Variants in GJA5 observed in about 807,000 individuals in gnomAD.
The protein encoded by GJA5 is gap junction protein alpha 5.
Under a neutral mutation model 7.9 loss-of-function variants are expected in GJA5, and 3 were observed. That is an observed-to-expected ratio of 0.38 (90% CI 0.17 to 0.99). The LOEUF (loss-of-function observed/expected upper bound fraction) is 0.99. Among genes scored for constraint, GJA5 ranks in the 50% least tolerant of loss-of-function variants. The probability of loss-of-function intolerance (pLI) is 0.38; values close to 1 mark genes in which losing one functional copy is unlikely to be tolerated. For missense variants in GJA5, 390 were observed against 457.9 expected (o/e 0.85, Z 1.35); for synonymous variants, 193 against 181.0 (o/e 1.07, Z -0.53).
upstream of GJA5, among the ~76,000 whole-genome samples, chr1:147,762,921 C>T (rs587669977): frequency 2.0e-5 from 3 of 152,336 alleles, no homozygotes; most frequent in East Asian, 5.8e-4. Flanking sequence ...AAGGAAGCTG[C>T]CCATGCCATG....
chr1:147,772,638 T>C (rs1350718581), intron 1 of GJA5, among the ~76,000 whole-genome samples: 5 of 152,192 alleles, frequency 3.3e-5, no homozygotes, highest in African/African-American at 9.6e-5. Context: ...GGTGCTTTCC[T>C]GGCCTTCCTC....
chr1:147,762,285 A>G (rs587687683), upstream of GJA5, among the ~76,000 whole-genome samples: 61 of 152,224 alleles, frequency 4.0e-4, 1 homozygote, highest in South Asian at 0.011. Context: ...AACAAATGTC[A>G]TATTCTTCCA....
rs1663780793 is a variant in GJA5, at chr1:147,757,408, G to A, written c.*754C>T. Reference sequence around the variant, plus strand: ...TGGCAGGAATTCCAGTAGAGTTTGTGTGTACAGTGACTCCCTAGCAGGGCT... The same window carrying A: ...TGGCAGGAATTCCAGTAGAGTTTGTATGTACAGTGACTCCCTAGCAGGGCT... On this transcript the variant is annotated 3_prime_UTR_variant, in exon 2 of 2. Transcript: ENST00000579774. The A allele has an allele frequency of 6.5e-6, 1 of 152,716 alleles. No individual in the cohort carries two copies. Among genetic ancestry groups the A allele is most frequent in the Non-Finnish European group, 1.5e-5 (1 of 68,466 alleles). 9.5% of individuals were successfully genotyped at this position (152,716 alleles called of 1,614,324 possible).
rs1454423411 is a variant in GJA5 at position 147,757,723 on chromosome 1, T to C, written c.*439A>G. ...TGCAAGTTCCTTGATTCATGCTGTC[T>C]ATTGGCTGGGAACTTTGAGCTCTTC... is the stretch of plus-strand genomic sequence containing the variant. On this transcript the variant is annotated 3_prime_UTR_variant, in exon 2 of 2. Transcript: ENST00000579774. 2.3e-5 allele frequency: 5 copies of C among 216,402 alleles called. No individual in the cohort carries two copies. The highest frequency in any genetic ancestry group is 1.1e-4 in the African/African-American group (5 of 43,746). 13.4% of individuals were successfully genotyped at this position (216,402 alleles called of 1,614,324 possible). A position where few individuals can be genotyped will look rare whatever the true frequency, so the allele number is the denominator to read the frequency against.
chr1:147,763,441 G>C (rs1344370006), upstream of GJA5, among the ~76,000 whole-genome samples: 2 of 152,186 alleles, frequency 1.3e-5, no homozygotes, highest in Non-Finnish European at 2.9e-5. Context: ...TCTGGTTTTT[G>C]GGTTTTGGGG....
Position 147,757,756 on chromosome 1 carries a change from G to C in GJA5, c.*406C>G, listed in dbSNP as rs949252791. Reference sequence around the variant, plus strand: ...GGGAACTTTGAGCTCTTCCTTGGAGGAGGGAGGGTGATCAGGTCAAGGAGG... The same window carrying C: ...GGGAACTTTGAGCTCTTCCTTGGAGCAGGGAGGGTGATCAGGTCAAGGAGG... On this transcript the variant is annotated 3_prime_UTR_variant, in exon 2 of 2. Transcript: ENST00000579774. 1 of 228,872 alleles carries C rather than the reference G, an allele frequency of 4.4e-6. No homozygotes were observed. Among genetic ancestry groups the C allele is most frequent in the Non-Finnish European group, 8.6e-6 (1 of 115,656 alleles). 14.2% of individuals were successfully genotyped at this position (228,872 alleles called of 1,614,324 possible). A position where few individuals can be genotyped will look rare whatever the true frequency, so the allele number is the denominator to read the frequency against.
intron 1 of GJA5, among the ~76,000 whole-genome samples, chr1:147,770,595 G>T (rs1461717982): frequency 6.6e-6 from 1 of 152,114 alleles, no homozygotes; most frequent in Non-Finnish European, 1.5e-5. Context: ...GAAACTGAGT[G>T]TAAGAGACAT....
intron 1 of GJA5, among the ~76,000 whole-genome samples, chr1:147,771,701 A>T (rs1299044027): frequency 1.3e-5 from 2 of 152,162 alleles, no homozygotes; most frequent in Admixed American, 6.5e-5. Context: ...TGGGTGAAGG[A>T]TGCTCAGAGA....
rs1027155768 is a variant in GJA5 at position 147,757,891 on chromosome 1, C to T, written c.*271G>A. The T allele has an allele frequency of 1.8e-5, 9 of 496,560 alleles. No individual in the cohort carries two copies. The highest frequency in any genetic ancestry group is 3.9e-5 in the African/African-American group (2 of 51,696). The allele number at this position is 496,560 out of a possible 1,614,324, so 30.8% of individuals were successfully genotyped here. On this transcript the variant is annotated 3_prime_UTR_variant, in exon 2 of 2. Transcript: ENST00000579774. ...GCTTTTGCCATGCTTCCCTTCTTTC[C>T]CTCTACCCTGTTTCATGAGTAATCT...
chr1:147,767,402 T>C (rs76136573), intron 1 of GJA5, among the ~76,000 whole-genome samples: 2 of 151,620 alleles, frequency 1.3e-5, no homozygotes, highest in East Asian at 3.9e-4. Flanking sequence ...TTTTTTTTTT[T>C]CTTGAGACAG....
intron 1 of GJA5, among the ~76,000 whole-genome samples, chr1:147,759,794 A>C (rs1356296331): frequency 3.3e-5 from 5 of 152,260 alleles, no homozygotes; most frequent in African/African-American, 1.2e-4. Context: ...AATTCTGAGG[A>C]TTAAATGATA....
At position 147,758,642 on chromosome 1, in the gene GJA5, G is replaced by A. The variant is rs1663844870; in HGVS notation, c.597C>T (p.Ser199=). 1.2e-6 allele frequency: 2 copies of A among 1,614,030 alleles called. No individual in the cohort carries two copies. Among genetic ancestry groups the A allele is most frequent in the Non-Finnish European group, 1.7e-6 (2 of 1,180,006 alleles). ...PCPHPVNCYV[S]RPTEKNVFIV... is the part of the protein sequence containing the mutation. Reference sequence around the variant, plus strand: ...TGAAGACATTCTTCTCTGTGGGCCGGGATACGTAACAGTTGACCGGGTGGG... The same window carrying A: ...TGAAGACATTCTTCTCTGTGGGCCGAGATACGTAACAGTTGACCGGGTGGG... The change falls in exon 2 of 2, where the codon TCC becomes TCT. Residue 199 remains serine, a synonymous_variant. Transcript: ENST00000579774.
rs1283605572 is a variant in GJA5, at chr1:147,758,663, G to A, written c.576C>T (p.His192=). ...LHVCRRSPCP[H]PVNCYVSRPT... is the part of the protein sequence containing the mutation. ...GCCGGGATACGTAACAGTTGACCGG[G>A]TGGGGACAGGGACTCCTGCGGCAGA... The change falls in exon 2 of 2, where the codon CAC becomes CAT. Residue 192 remains histidine (H), a synonymous_variant. Coordinates refer to ENST00000579774, the MANE Select transcript of GJA5 (RefSeq NM_181703.4). 1.9e-6 allele frequency: 3 copies of A among 1,614,080 alleles called. No homozygotes were observed. The African/African-American group carries it at 4.0e-5, about 22-fold the overall frequency.
intron 1 of GJA5, among the ~76,000 whole-genome samples, chr1:147,769,849 G>A (rs1386204561): frequency 6.6e-6 from 1 of 152,008 alleles, no homozygotes; most frequent in African/African-American, 2.4e-5. Flanking sequence ...AGTCCAGCAT[G>A]CCTCCTAATG....
At chr1:147,763,275 G>C (rs1553227646), upstream of GJA5, among the ~76,000 whole-genome samples, 1 of 152,210 alleles carries the variant, frequency 6.6e-6, no homozygotes, top group African/African-American at 2.4e-5. Context: ...GGAAGGAGGG[G>C]AAACAAACAA....
At chr1:147,765,607 C>T (rs1230618200) in intron 1 of GJA5, among the ~76,000 whole-genome samples, 2 of 152,128 alleles carry the variant, frequency 1.3e-5, no homozygotes, top group African/African-American at 4.8e-5. Context: ...AAATGAAAAC[C>T]AGCATGGTTT....
rs1553226505 is a variant in GJA5 at position 147,756,855 on chromosome 1, G to C, written c.*1307C>G. On this transcript the variant is annotated 3_prime_UTR_variant, in exon 2 of 2. Transcript: ENST00000579774. The stretch of plus-strand genomic sequence containing the variant: ...CCAGGCCAATCCCTGGGGAAGGCAA[G>C]GCTTTTCTACAGCCCCCACTTGGCA... 1 of 152,214 alleles carries C rather than the reference G, an allele frequency of 6.6e-6. No individual in the cohort carries two copies. Among genetic ancestry groups the C allele is most frequent in the East Asian group, 1.9e-4 (1 of 5,190 alleles). The allele number at this position is 152,214 out of a possible 1,614,324, so 9.4% of individuals were successfully genotyped here. A position where few individuals can be genotyped will look rare whatever the true frequency, so the allele number is the denominator to read the frequency against.
Position 147,758,039 on chromosome 1 carries a change from AC to A in GJA5, c.*122del. On this transcript the variant is annotated 3_prime_UTR_variant, in exon 2 of 2. Transcript: ENST00000579774. Reference sequence around the variant, plus strand: ...AGAATTAATGAGCAACGTCATTGAGACCCGGGGCTCAAAGGAGCCAAGCAGT... The same window carrying A: ...AGAATTAATGAGCAACGTCATTGAGACCGGGGCTCAAAGGAGCCAAGCAGT... 1 of 767,308 alleles carries A rather than the reference AC, an allele frequency of 1.3e-6. No individual in the cohort carries two copies. The highest frequency in any genetic ancestry group is 2.3e-6 in the Non-Finnish European group (1 of 433,892). The allele number at this position is 767,308 out of a possible 1,614,324, so 47.5% of individuals were successfully genotyped here.
chr1:147,758,449 G>A lies in GJA5; in HGVS notation c.790C>T (p.Pro264Ser). ...SVGIVQSCTPPPDFNQCLENG... is the reference protein window; with the variant it reads ...SVGIVQSCTPSPDFNQCLENG... ...TCCAGGCACTGATTAAAGTCGGGGG[G>A]TGGTGTGCAGCTCTGGACTATGCCC... The change falls in exon 2 of 2, where the codon CCC becomes TCC. Residue 264 changes from proline (P) to serine (S), a missense_variant. This residue lies in a region of GJA5 where 354 missense variants were observed against 370.9 expected (regional missense o/e 0.95). Transcript: ENST00000579774. 2 of 1,614,178 alleles carry A rather than the reference G, an allele frequency of 1.2e-6. No homozygotes were observed. Among genetic ancestry groups the A allele is most frequent in the Non-Finnish European group, 8.5e-7 (1 of 1,180,018 alleles).
Sources: allele counts gnomAD v4.1 joint callset (sites outside exome capture counted in the v4.1 genomes callset), GRCh38; gene constraint gnomAD v4.1.1; regional missense constraint gnomAD v4.1.1; transcripts MANE v1.5; gene names NCBI Gene and HGNC (gene_info 2026-07-23, HGNC 2026-07-21).